The following CROCC2 variants were observed in gnomAD, a reference collection of about 807,000 sequenced individuals.
The protein encoded by CROCC2 is ciliary rootlet coiled-coil protein 2.
CROCC2 carries 163 observed loss-of-function variants against 177.6 expected under a neutral mutation model. The observed-to-expected ratio is 0.92, with a 90% CI of 0.81 to 1.05. The LOEUF is 1.05. Ranked by LOEUF, CROCC2 falls within the 50% of genes least tolerant of loss-of-function variation. The pLI is 0.00. For synonymous variants in CROCC2, 904 were observed against 787.3 expected (o/e 1.15, Z -2.48); for missense variants, 1,929 against 1,797.8 (o/e 1.07, Z -1.32).
chr2:240,954,039 G>T (rs2059573641), intron 18 of CROCC2, among the ~76,000 whole-genome samples: 1 of 152,160 alleles, frequency 6.6e-6, no homozygotes, highest in Non-Finnish European at 1.5e-5. Context: ...AGTCCAGTAA[G>T]GGCAGATTTA....
Position 240,918,524 on chromosome 2 carries a change from T to TG in CROCC2, c.79-198dup, listed in dbSNP as rs1398767829. Among the ~76,000 whole-genome samples, 1 of 152,086 alleles carries TG rather than the reference T, an allele frequency of 6.6e-6. No individual in the cohort carries two copies. The highest frequency in any genetic ancestry group is 2.4e-5 in the African/African-American group (1 of 41,396). ...GGGTGTGGTCCTCCTCTCCAGAACC[T>TG]GGGGACAGGCGCAGCCCCACTCCGC... On this transcript the variant is annotated intron_variant, in intron 1 of 31. Coordinates refer to ENST00000690015, the MANE Select transcript of CROCC2 (RefSeq NM_001351305.2). The surrounding 1 kb of genome is among the most constrained non-coding windows in gnomAD (Gnocchi z 6.3).
At chr2:240,936,802 C>T (rs1487984242) in intron 14 of CROCC2, among the ~76,000 whole-genome samples, 1 of 152,178 alleles carries the variant, frequency 6.6e-6, no homozygotes, top group Non-Finnish European at 1.5e-5. Context: ...CCTTCTACTG[C>T]CTTGGCCCTG....
intron 1 of CROCC2, among the ~76,000 whole-genome samples, chr2:240,912,524 G>A (rs893441906): frequency 1.3e-5 from 2 of 152,240 alleles, no homozygotes; most frequent in Non-Finnish European, 2.9e-5. Context: ...GCCGGAAGGA[G>A]AGGTGCCCAG....
chr2:240,934,757 G>C (rs1160304395), intron 12 of CROCC2, among the ~76,000 whole-genome samples, 159 bp from the exon 13 acceptor site: 1 of 152,140 alleles, frequency 6.6e-6, no homozygotes, highest in Non-Finnish European at 1.5e-5. Flanking sequence ...AGCCACCATT[G>C]GCCCTGAGAC....
intron 27 of CROCC2, among the ~76,000 whole-genome samples, chr2:240,975,261 GAGGCCCTGCCACC>G (rs2059752112): frequency 6.6e-6 from 1 of 152,206 alleles, no homozygotes; most frequent in South Asian, 2.1e-4. Flanking sequence ...GAGTCCAGAG[GAGGCCCTGCCACC>G]ATGAACTGGC....
At chr2:240,921,353 G>A (rs1031090238) in intron 3 of CROCC2, among the ~76,000 whole-genome samples, 1 of 152,158 alleles carries the variant, frequency 6.6e-6, no homozygotes, top group Non-Finnish European at 1.5e-5. Context: ...CAGGAGCTGG[G>A]GTCCACCCCA....
intron 12 of CROCC2, 38 bp from the exon 13 acceptor site, chr2:240,934,878 C>T: frequency 6.9e-7 from 1 of 1,457,068 alleles, no homozygotes; most frequent in Non-Finnish European, 9.1e-7. Flanking sequence ...GCCCTGGAAG[C>T]TGAAGGTCCC....
Position 240,906,537 on chromosome 2 carries a change from T to C in CROCC2, c.24T>C (p.Pro8=). Residue 8 remains proline, a synonymous_variant, in exon 1 of 32, where the codon CCT becomes CCC. Transcript: ENST00000690015. MSSASSE[P]GNGDASQQPL... is the part of the protein sequence containing the mutation. Reference sequence around the variant, plus strand: ...CAATGAGCTCTGCCTCCAGTGAGCCTGGCAATGGGGACGCCTCCCAACAGC... The same window carrying C: ...CAATGAGCTCTGCCTCCAGTGAGCCCGGCAATGGGGACGCCTCCCAACAGC... 1 of 399,102 alleles carries C rather than the reference T, an allele frequency of 2.5e-6. No homozygotes were observed. Among genetic ancestry groups the C allele is most frequent in the Non-Finnish European group, 4.4e-6 (1 of 226,114 alleles). 24.7% of individuals were successfully genotyped at this position (399,102 alleles called of 1,614,324 possible).
intron 28 of CROCC2, among the ~76,000 whole-genome samples, chr2:240,984,406 A>T (rs1330428129): frequency 6.6e-6 from 1 of 151,992 alleles, no homozygotes; most frequent in Non-Finnish European, 1.5e-5. Context: ...TCCAGGAAGC[A>T]GGCAGAGCTT....
rs955130292 is a variant in CROCC2, at chr2:240,917,012, C to T, written c.79-1714C>T. The stretch of plus-strand genomic sequence containing the variant: ...AGGAGGAGCAGGGACTTCCCTCCCC[C>T]TCCCCCACTGGGCTGCTGCTCCCAA... On this transcript the variant is annotated intron_variant, in intron 1 of 31. Coordinates refer to ENST00000690015, the MANE Select transcript of CROCC2 (RefSeq NM_001351305.2). The surrounding 1 kb of genome is among the most constrained non-coding windows in gnomAD (Gnocchi z 4.9). Among the ~76,000 whole-genome samples, 1 of 152,190 alleles carries T rather than the reference C, an allele frequency of 6.6e-6. No homozygotes were observed. Among genetic ancestry groups the T allele is most frequent in the Non-Finnish European group, 1.5e-5 (1 of 68,016 alleles).
chr2:240,931,268 C>T, intron 7 of CROCC2, 140 bp downstream of exon 7: 2 of 596,640 alleles, frequency 3.4e-6, no homozygotes, highest in Non-Finnish European at 6.0e-6. Context: ...TGGTGGTGCA[C>T]ACTCTTCAGA....
chr2:240,961,186 G>A (rs1336428908), intron 20 of CROCC2, among the ~76,000 whole-genome samples: 1 of 152,172 alleles, frequency 6.6e-6, no homozygotes. Context: ...CCTTTAAACT[G>A]GAGGAACTTC....
intron 3 of CROCC2, among the ~76,000 whole-genome samples, chr2:240,921,772 C>G (rs1373664397): frequency 2.6e-5 from 4 of 152,248 alleles, no homozygotes; most frequent in Non-Finnish European, 5.9e-5. Flanking sequence ...TCTCTTCCAG[C>G]TTGTGGCTGA....
chr2:240,920,113 G>A lies in CROCC2; in HGVS notation c.360G>A (p.Arg120=). The A allele has an allele frequency of 1.4e-6, 1 of 699,598 alleles. No homozygotes were observed. The highest frequency in any genetic ancestry group is 2.7e-6 in the Non-Finnish European group (1 of 376,354). The allele number at this position is 699,598 out of a possible 1,614,324, so 43.3% of individuals were successfully genotyped here. The change falls in exon 3 of 32, where the codon AGG becomes AGA. Residue 120 remains arginine (R), a synonymous_variant. Transcript: ENST00000690015. ...CCGAGCGAGATGAGCTGGCCAGCAG[G>A]TGCCGTGTGGTCAGCGAGCAGGTGC... The part of the protein sequence containing the change: ...ASAERDELAS[R]CRVVSEQLQA...
At chr2:240,964,369 G>C in intron 21 of CROCC2, 97 bp from the exon 22 acceptor site, 1 of 1,413,458 alleles carries the variant, frequency 7.1e-7, no homozygotes, top group Non-Finnish European at 9.7e-7. Context: ...GTCAAGACTG[G>C]GGCCAGTGCC....
At chr2:240,935,695 GCT>G (rs2059464878) in intron 14 of CROCC2, 107 bp downstream of exon 14, 1 of 806,060 alleles carries the variant, frequency 1.2e-6, no homozygotes, top group Non-Finnish European at 1.8e-6. Flanking sequence ...GCCCACATCA[GCT>G]CTTTCTGTCT....
chr2:240,963,614 A>G lies in CROCC2; in HGVS notation c.3146A>G (p.Gln1049Arg), dbSNP rs1375615843. 6 of 1,548,488 alleles carry G rather than the reference A, an allele frequency of 3.9e-6. No individual in the cohort carries two copies. The highest frequency in any genetic ancestry group is 5.2e-6 in the Non-Finnish European group (6 of 1,146,448). ...CAGGAGGGACTGGCCGCACTGCGCC[A>G]GGAGCTGCAGGGCGTCGAGGAGAGC... ...VAQEGLAALR[Q>R]ELQGVEESRE... is the part of the protein sequence containing the mutation. Residue 1049 changes from glutamine (Q) to arginine (R), a missense_variant, in exon 21 of 32, where the codon CAG becomes CGG. Transcript: ENST00000690015.
chr2:240,924,960 C>T (rs1446928890), intron 4 of CROCC2, among the ~76,000 whole-genome samples: 1 of 41,130 alleles, frequency 2.4e-5, no homozygotes, highest in Non-Finnish European at 4.7e-5. Context: ...CCCACACTAA[C>T]CCGGCCCCTC....
At chr2:240,952,568 GAT>G (rs769583455) in intron 18 of CROCC2, among the ~76,000 whole-genome samples, 18 of 152,250 alleles carry the variant, frequency 1.2e-4, no homozygotes, top group Non-Finnish European at 2.2e-4. Context: ...CACATCCTTA[GAT>G]AGAGGAAGGG....
Sources: allele counts gnomAD v4.1 joint callset (sites outside exome capture counted in the v4.1 genomes callset), GRCh38; gene constraint gnomAD v4.1.1; non-coding constraint Gnocchi (gnomAD v3.1); transcripts MANE v1.5; gene names NCBI Gene and HGNC (gene_info 2026-07-23, HGNC 2026-07-21).